Variants in SMAP1 observed in about 807,000 individuals in gnomAD.
SMAP1 encodes the protein small ArfGAP 1, also known as stromal membrane-associated protein 1.
Under a neutral mutation model 58.5 loss-of-function variants are expected in SMAP1, and 24 were observed. That is an observed-to-expected ratio of 0.41 (90% CI 0.30 to 0.58). The LOEUF is 0.58. Ranked by LOEUF, SMAP1 falls within the 20% of genes least tolerant of loss-of-function variation. The probability of loss-of-function intolerance (pLI) is 0.29; values close to 1 mark genes in which losing one functional copy is unlikely to be tolerated. For missense variants in SMAP1, 563 were observed against 566.3 expected (o/e 0.99, Z 0.06); for synonymous variants, 216 against 196.6 (o/e 1.10, Z -0.82).
At position 70,856,033 on chromosome 6, in the gene SMAP1, C is replaced by T. The variant is rs577648653; in HGVS notation, c.790-826C>T. 1.2e-3 allele frequency among the ~76,000 whole-genome samples: 179 copies of T among 152,246 alleles called. 1 individual carries two copies. Among genetic ancestry groups the T allele is most frequent in the African/African-American group, 4.1e-3 (170 of 41,530 alleles). ...GAATTTAATTTCCACTTGCAACTCA[C>T]CTTATTCTGTAGTTTGAGAAGGATC... On this transcript the variant is annotated intron_variant, in intron 8 of 10. Coordinates refer to ENST00000370455, the MANE Select transcript of SMAP1 (RefSeq NM_001044305.3).
rs1349473186 is a variant in SMAP1, at chr6:70,783,552, GA to G, written c.415-8129del. On this transcript the variant is annotated intron_variant, in intron 4 of 10. Coordinates refer to ENST00000370455, the MANE Select transcript of SMAP1 (RefSeq NM_001044305.3). ...AAATGGCAAAGAAGTTAAAAACTTT[GA>G]AAAAAAATTAGATGAATGTATAACT... Among the ~76,000 whole-genome samples the G allele has an allele frequency of 2.6e-5, 4 of 151,850 alleles. No individual in the cohort carries two copies. The East Asian group carries it at 7.7e-4, about 29-fold the overall frequency.
chr6:70,764,452 G>A (rs1200481562), intron 3 of SMAP1, among the ~76,000 whole-genome samples: 1 of 152,170 alleles, frequency 6.6e-6, no homozygotes, highest in Admixed American at 6.5e-5. Flanking sequence ...TTCTTGTTAG[G>A]AAAATGCAGC....
At chr6:70,787,922 C>T (rs1265400062) in intron 4 of SMAP1, among the ~76,000 whole-genome samples, 1 of 151,916 alleles carries the variant, frequency 6.6e-6, no homozygotes, top group African/African-American at 2.4e-5. Context: ...ACTAGAAATA[C>T]CATTTGACCC....
At chr6:70,770,541 C>T (rs75129005) in intron 3 of SMAP1, among the ~76,000 whole-genome samples, 4 of 152,300 alleles carry the variant, frequency 2.6e-5, no homozygotes, top group East Asian at 1.9e-4. Flanking sequence ...TTGATTGCAT[C>T]GGCTCCTGAG....
intron 3 of SMAP1, among the ~76,000 whole-genome samples, chr6:70,762,579 A>G (rs1162469738): frequency 6.6e-6 from 1 of 152,158 alleles, no homozygotes; most frequent in Admixed American, 6.6e-5. Flanking sequence ...ATGTTTTCCA[A>G]ACTAGATTTC....
intron 7 of SMAP1, among the ~76,000 whole-genome samples, chr6:70,841,960 G>A (rs1160533721): frequency 2.0e-5 from 3 of 152,152 alleles, no homozygotes; most frequent in Non-Finnish European, 4.4e-5. Flanking sequence ...GCTATATAAA[G>A]CAAATTTGGG....
intron 7 of SMAP1, among the ~76,000 whole-genome samples, chr6:70,839,873 TC>T (rs1770735616): frequency 1.3e-5 from 2 of 152,158 alleles, no homozygotes; most frequent in Non-Finnish European, 2.9e-5. Context: ...TTCATGAAAG[TC>T]CAGGAGACTA....
At chr6:70,744,104 CTA>C (rs1371613325) in intron 2 of SMAP1, among the ~76,000 whole-genome samples, 2 of 151,174 alleles carry the variant, frequency 1.3e-5, no homozygotes, top group Non-Finnish European at 2.9e-5. Context: ...GTGATTATCA[CTA>C]TGTCAAAGGA....
Position 70,857,806 on chromosome 6 carries a change from T to A in SMAP1, c.962-116T>A, listed in dbSNP as rs562775837. 36 of 1,174,548 alleles carry A rather than the reference T, an allele frequency of 3.1e-5. No individual in the cohort carries two copies. The African/African-American group carries it at 4.4e-4, about 14-fold the overall frequency. The allele number at this position is 1,174,548 out of a possible 1,614,324, so 72.8% of individuals were successfully genotyped here. A position where few individuals can be genotyped will look rare whatever the true frequency, so the allele number is the denominator to read the frequency against. On this transcript the variant is annotated intron_variant, in intron 9 of 10. Coordinates refer to ENST00000370455, the MANE Select transcript of SMAP1 (RefSeq NM_001044305.3). ...GTCTGAGTAGTAGGAGCAGCCAAAC[T>A]GGAATTAAAATGTTTGCTGTGAGTA...
chr6:70,855,133 AAGGGCTAAGTCC>A (rs1771359249), intron 8 of SMAP1, among the ~76,000 whole-genome samples: 1 of 129,604 alleles, frequency 7.7e-6, no homozygotes, highest in African/African-American at 2.8e-5. Flanking sequence ...AGACATACAC[AAGGGCTAAGTCC>A]TGTTTTTTCT....
intron 1 of SMAP1, among the ~76,000 whole-genome samples, chr6:70,692,343 GT>G (rs1208682284): frequency 6.6e-6 from 1 of 152,142 alleles, no homozygotes; most frequent in Non-Finnish European, 1.5e-5. Flanking sequence ...TTAATCCCTT[GT>G]CAGATGGAGA....
At chr6:70,752,937 T>G (rs1259423350) in intron 2 of SMAP1, among the ~76,000 whole-genome samples, 9 of 152,180 alleles carry the variant, frequency 5.9e-5, no homozygotes, top group African/African-American at 1.9e-4. Context: ...AAATGACTCA[T>G]TATTCCACAT....
intron 6 of SMAP1, among the ~76,000 whole-genome samples, chr6:70,810,216 A>G (rs1055834107): frequency 6.6e-6 from 1 of 152,096 alleles, no homozygotes. Context: ...GGGCTCAGGC[A>G]TGCGTAGAAC....
At chr6:70,700,442 G>A (rs1375025401) in intron 1 of SMAP1, among the ~76,000 whole-genome samples, 2 of 152,164 alleles carry the variant, frequency 1.3e-5, no homozygotes, top group Non-Finnish European at 2.9e-5. Flanking sequence ...GCGATTACAG[G>A]ATGTACCACC....
Position 70,748,320 on chromosome 6 carries a change from A to C in SMAP1, c.253-6660A>C, listed in dbSNP as rs139876967. On this transcript the variant is annotated intron_variant, in intron 2 of 10. Coordinates refer to ENST00000370455, the MANE Select transcript of SMAP1 (RefSeq NM_001044305.3). ...AATAAGATTTTCAGTTGAAAATCCTAGTCTTTGTGTTTTAAAGCTTTTAAT... is the reference window on the plus strand; with the variant it reads ...AATAAGATTTTCAGTTGAAAATCCTCGTCTTTGTGTTTTAAAGCTTTTAAT... Among the ~76,000 whole-genome samples, 35 of 152,314 alleles carry C rather than the reference A, an allele frequency of 2.3e-4. No homozygotes were observed. The East Asian group carries it at 5.2e-3, about 23-fold the overall frequency.
chr6:70,747,080 T>G (rs1341871819), intron 2 of SMAP1, among the ~76,000 whole-genome samples: 1 of 152,204 alleles, frequency 6.6e-6, no homozygotes. Flanking sequence ...GTGAATATAA[T>G]GGTAGAAGAT....
chr6:70,725,230 C>T (rs982422620), intron 1 of SMAP1, among the ~76,000 whole-genome samples: 12 of 149,360 alleles, frequency 8.0e-5, no homozygotes, highest in Admixed American at 1.4e-4. Flanking sequence ...TATTCTCCTG[C>T]CTCAGTCTCC....
Position 70,798,701 on chromosome 6 carries a change from GC to G in SMAP1, c.542del (p.Pro181GlnfsTer39). On this transcript the variant is annotated frameshift_variant, in exon 6 of 11. Coordinates refer to ENST00000370455, the MANE Select transcript of SMAP1 (RefSeq NM_001044305.3). LOFTEE classifies it high-confidence loss of function. ...AGGAAGAGAAAAAGAGAGAAAAGGA[GC>G]CAGAAAAGCCGGCAAAACCACTTAC... ...KKEEKKREKE[P>X]EKPAKPLTAE... is the part of the protein sequence containing the mutation. The G allele has an allele frequency of 6.4e-7, 1 of 1,558,292 alleles. No homozygotes were observed. Among genetic ancestry groups the G allele is most frequent in the Non-Finnish European group, 8.7e-7 (1 of 1,152,506 alleles).
At chr6:70,725,527 C>T (rs544680333) in intron 1 of SMAP1, among the ~76,000 whole-genome samples, 1 of 152,190 alleles carries the variant, frequency 6.6e-6, no homozygotes, top group African/African-American at 2.4e-5. Context: ...AACAAAGGGC[C>T]TGTGGTATGG....
Sources: gnomAD v4.1 joint callset for allele counts (sites outside exome capture counted in the v4.1 genomes callset) on GRCh38, gnomAD v4.1.1 for gene constraint, MANE v1.5 for transcripts, NCBI Gene and HGNC (gene_info 2026-07-23, HGNC 2026-07-21) for gene names.